The following CSMD1 variants were observed in gnomAD, a reference collection of about 807,000 sequenced individuals.
CSMD1 encodes CUB and Sushi multiple domains 1, also known as CUB and sushi domain-containing protein 1.
In CSMD1, 213 loss-of-function variants were observed where a neutral mutation model predicts 417.5. The observed-to-expected ratio is 0.51, with a 90% CI of 0.46 to 0.57. The LOEUF is 0.57. Ranked by LOEUF, CSMD1 falls within the 20% of genes least tolerant of loss-of-function variation. CSMD1 has a pLI of 0.00. For missense variants in CSMD1, 6,923 were observed against 4,529.7 expected (o/e 1.53, Z -15.17); for synonymous variants, 2,862 against 1,736.8 (o/e 1.65, Z -16.11).
At chr8:3,392,810 T>C (rs1161239593) in intron 17 of CSMD1, among the ~76,000 whole-genome samples, 1 of 152,110 alleles carries the variant, frequency 6.6e-6, no homozygotes, top group African/African-American at 2.4e-5. Context: ...GGGGACACCC[T>C]CTGAGTGGGT....
chr8:4,407,086 G>C (rs191757789), intron 3 of CSMD1, among the ~76,000 whole-genome samples: 1 of 152,100 alleles, frequency 6.6e-6, no homozygotes. Context: ...TGTCTATGGC[G>C]CTTTCATACT....
intron 2 of CSMD1, among the ~76,000 whole-genome samples, chr8:4,461,047 A>G (rs1267748713): frequency 3.3e-5 from 5 of 152,214 alleles, no homozygotes; most frequent in Admixed American, 2.6e-4. Context: ...AACAACATAT[A>G]AAGCATTATA....
chr8:2,991,744 T>G (rs1160752934), intron 54 of CSMD1, among the ~76,000 whole-genome samples: 1 of 152,234 alleles, frequency 6.6e-6, no homozygotes, highest in Non-Finnish European at 1.5e-5. Context: ...AGTATTCCTG[T>G]GTTTAAATAC....
At chr8:4,058,575 C>T (rs932296071) in intron 3 of CSMD1, among the ~76,000 whole-genome samples, 1 of 150,722 alleles carries the variant, frequency 6.6e-6, no homozygotes, top group Non-Finnish European at 1.5e-5. Flanking sequence ...CATATAGGCT[C>T]AAAATAAAAG....
chr8:4,787,424 A>G, intron 1 of CSMD1: 1 of 753,848 alleles, frequency 1.3e-6, no homozygotes, highest in Non-Finnish European at 2.4e-6. Flanking sequence ...GTCCAAGGAC[A>G]AGATTACAGC....
At position 2,950,637 on chromosome 8, in the gene CSMD1, A is replaced by G. The variant is rs1367030596; in HGVS notation, c.10202-294T>C. On this transcript the variant is annotated intron_variant, in intron 66 of 69. Transcript: ENST00000635120. The stretch of plus-strand genomic sequence containing the variant: ...CATATTTGATTTTGCTAATTAAAAA[A>G]TCTCTCTCTAAAAAAGTATACAGTA... Among the ~76,000 whole-genome samples, 8 of 152,258 alleles carry G rather than the reference A, an allele frequency of 5.3e-5. No homozygotes were observed. In the East Asian group the frequency reaches 1.5e-3, roughly 29 times the overall value.
intron 10 of CSMD1, among the ~76,000 whole-genome samples, chr8:3,569,169 C>G (rs542232937): frequency 2.0e-5 from 3 of 152,078 alleles, no homozygotes; most frequent in African/African-American, 2.4e-5. Flanking sequence ...TCTTGAGAGG[C>G]CTTTCATTTT....
intron 3 of CSMD1, among the ~76,000 whole-genome samples, chr8:4,152,289 A>C (rs1252973073): frequency 2.0e-5 from 3 of 152,330 alleles, no homozygotes; most frequent in Middle Eastern, 3.4e-3. Context: ...ATGGTTAAAA[A>C]TCTACTTCCA....
chr8:3,611,011 T>G (rs1178620743), intron 8 of CSMD1, among the ~76,000 whole-genome samples: 1 of 140,208 alleles, frequency 7.1e-6, no homozygotes, highest in East Asian at 2.1e-4. Flanking sequence ...ATGTTCTCAC[T>G]CATAGGTGGG....
intron 3 of CSMD1, among the ~76,000 whole-genome samples, chr8:4,294,763 A>G (rs961194336): frequency 6.6e-6 from 1 of 151,994 alleles, no homozygotes; most frequent in Admixed American, 6.6e-5. Flanking sequence ...TTCTAAATTT[A>G]TTTGTAATAA....
intron 6 of CSMD1, among the ~76,000 whole-genome samples, chr8:3,730,384 T>TTTTC (rs5888986): frequency 2.6e-5 from 4 of 151,112 alleles, no homozygotes; most frequent in Non-Finnish European, 5.9e-5. Flanking sequence ...TTTTTTTTTT[T>TTTTC]TTGCCCTGTG....
chr8:3,423,268 A>G (rs559867282), intron 12 of CSMD1, among the ~76,000 whole-genome samples: 10 of 152,150 alleles, frequency 6.6e-5, no homozygotes, highest in Middle Eastern at 3.2e-3. Context: ...ATCCAACACC[A>G]AAATCATGGT....
intron 3 of CSMD1, among the ~76,000 whole-genome samples, chr8:4,066,240 T>G (rs1343909312): frequency 6.6e-6 from 1 of 152,226 alleles, no homozygotes; most frequent in East Asian, 1.9e-4. Context: ...TCCTTCTTTG[T>G]CTCCTGTTCC....
chr8:3,962,449 G>A (rs181074862), intron 5 of CSMD1, among the ~76,000 whole-genome samples: 27 of 152,302 alleles, frequency 1.8e-4, no homozygotes, highest in South Asian at 1.5e-3. Flanking sequence ...TGATGTGAGA[G>A]GGAGCATGGA....
chr8:3,408,577 C>T (rs770984871), intron 13 of CSMD1, among the ~76,000 whole-genome samples: 1 of 151,228 alleles, frequency 6.6e-6, no homozygotes, highest in African/African-American at 2.5e-5. Flanking sequence ...AAGTATATTC[C>T]TATATCATAG....
At chr8:4,415,920 T>G (rs1054347695) in intron 3 of CSMD1, among the ~76,000 whole-genome samples, 1 of 152,196 alleles carries the variant, frequency 6.6e-6, no homozygotes, top group African/African-American at 2.4e-5. Context: ...TACAGACATG[T>G]GGATAATTTC....
intron 6 of CSMD1, among the ~76,000 whole-genome samples, chr8:3,751,299 A>AGTGTGTGTGTGT (rs67753470): frequency 0.021 from 2,914 of 140,138 alleles, 40 homozygotes; most frequent in Non-Finnish European, 0.03. Flanking sequence ...ATACAATTGA[A>AGTGTGTGTGTGT]GTGTGTGTGT....
At chr8:4,265,490 C>A (rs1383626324) in intron 3 of CSMD1, among the ~76,000 whole-genome samples, 1 of 103,642 alleles carries the variant, frequency 9.6e-6, no homozygotes, top group African/African-American at 2.6e-5. Context: ...AATATTGGAA[C>A]CTGTTTCAAA....
At chr8:4,690,962 C>A (rs1806727476) in intron 1 of CSMD1, among the ~76,000 whole-genome samples, 2 of 152,132 alleles carry the variant, frequency 1.3e-5, no homozygotes, top group Non-Finnish European at 1.5e-5. Context: ...CTCTTGAGCT[C>A]ATGATCTGCC....
Sources: gnomAD v4.1 joint callset for allele counts (sites outside exome capture counted in the v4.1 genomes callset) on GRCh38, gnomAD v4.1.1 for gene constraint, MANE v1.5 for transcripts, NCBI Gene and HGNC (gene_info 2026-07-23, HGNC 2026-07-21) for gene names.